Variants in DNAH2 observed in about 807,000 individuals in gnomAD.
DNAH2 encodes the protein dynein axonemal heavy chain 2, also known as axonemal beta dynein heavy chain 2.
DNAH2 carries 323 observed loss-of-function variants against 523.5 expected under a neutral mutation model. The observed-to-expected ratio is 0.62, with a 90% CI of 0.56 to 0.68. The LOEUF is 0.68. Ranked by LOEUF, DNAH2 falls within the 30% of genes least tolerant of loss-of-function variation. The pLI is 0.00. For synonymous variants in DNAH2, 2,093 were observed against 2,177.4 expected, an observed-to-expected ratio of 0.96 and a Z score of 1.08; for missense variants, 4,907 against 5,701.5, an observed-to-expected ratio of 0.86 and a Z score of 4.49.
At chr17:7,731,818 C>T (rs2074996892) in intron 4 of DNAH2, among the ~76,000 whole-genome samples, 1 of 152,002 alleles carries the variant, frequency 6.6e-6, no homozygotes, top group African/African-American at 2.4e-5. Flanking sequence ...CACCTAAGGT[C>T]AGGAGTTTGA....
At position 7,765,556 on chromosome 17, in the gene DNAH2, G is replaced by A. The variant is rs150130856; in HGVS notation, c.3502G>A (p.Glu1168Lys). Residue 1168 changes from glutamate (E) to lysine (K), a missense_variant, in exon 21 of 86, where the codon GAA (glutamate) becomes AAA (lysine). Physicochemically the swap from Glu to Lys is moderately conservative, Grantham distance 56. This residue lies in a region of DNAH2 where 2,806 missense variants were observed against 3,190.8 expected (regional missense o/e 0.88). Transcript: ENST00000572933. Reference sequence around the variant, plus strand: ...AGCACATACACTTCTGGAAGATTTCGAATTCAAAGGTACTCCTTGATCCAC... The same window carrying A: ...AGCACATACACTTCTGGAAGATTTCAAATTCAAAGGTACTCCTTGATCCAC... ...KKAHTLLEDF[E>K]FKGHFTSNVG... is the part of the protein sequence containing the mutation. 2.5e-5 allele frequency: 40 copies of A among 1,612,650 alleles called. No individual in the cohort carries two copies. The highest frequency in any genetic ancestry group is 5.5e-5 in the South Asian group (5 of 90,828).
Position 7,805,277 on chromosome 17 carries a change from A to G in DNAH2, c.9326A>G (p.Asp3109Gly), listed in dbSNP as rs1348457883. 1.2e-6 allele frequency: 2 copies of G among 1,614,174 alleles called. No homozygotes were observed. The highest frequency in any genetic ancestry group is 1.1e-5 in the South Asian group (1 of 91,084). ...GCCCTGGAGTCTCTGAACAAGAAGG[A>G]TATAGGAGAGATCAAGTCTTATGGA... is the stretch of plus-strand genomic sequence containing the variant. ...MRALESLNKK[D>G]IGEIKSYGRP... is the part of the protein sequence containing the mutation. Residue 3109 changes from aspartate (D) to glycine (G), a missense_variant, in exon 61 of 86, where the codon GAT becomes GGT. Coordinates refer to ENST00000572933, the MANE Select transcript of DNAH2 (RefSeq NM_020877.5).
chr17:7,794,510 G>A, intron 49 of DNAH2, 152 bp downstream of exon 49: 3 of 621,504 alleles, frequency 4.8e-6, no homozygotes, highest in Non-Finnish European at 7.9e-6. Context: ...GCATGTGCTG[G>A]CTCCTGAGCT....
At position 7,780,378 on chromosome 17, in the gene DNAH2, T is replaced by C; in HGVS notation, c.5850+94T>C. 1 of 1,570,786 alleles carries C rather than the reference T, an allele frequency of 6.4e-7. No homozygotes were observed. The highest frequency in any genetic ancestry group is 2.2e-5 in the East Asian group (1 of 44,594). ...CTCCCCAAGGGCCTCACAATCAGCT[T>C]ATCCTCTAAGGAACTTAGACTATTG... On this transcript the variant is annotated intron_variant, in intron 37 of 85. Transcript: ENST00000572933. This position sits in a 1 kb window ranked among gnomAD's most constrained non-coding sequence, Gnocchi z 4.4.
At chr17:7,775,001 A>T (rs1334384438) in intron 29 of DNAH2, 25 bp downstream of exon 29, 14 of 1,609,520 alleles carry the variant, frequency 8.7e-6, no homozygotes, top group Non-Finnish European at 1.2e-5. Flanking sequence ...CCACAGTGAG[A>T]TGCTGGGTGG....
chr17:7,796,463 G>T lies in DNAH2; in HGVS notation c.7675-1G>T. 6 of 1,613,732 alleles carry T rather than the reference G, an allele frequency of 3.7e-6. No homozygotes were observed. In the South Asian group the frequency reaches 6.6e-5, roughly 18 times the overall value. ...GAGAGTGAGCCAGGGTCTGTTTCTA[G>T]AAGTCCCAGATCATCCGCATATTCG... On this transcript the variant is annotated splice_acceptor_variant, in intron 49 of 85. Coordinates refer to ENST00000572933, the MANE Select transcript of DNAH2 (RefSeq NM_020877.5). LOFTEE classifies it high-confidence loss of function.
At chr17:7,777,030 C>T (rs2076473615) in intron 32 of DNAH2, 141 bp downstream of exon 32, 1 of 626,016 alleles carries the variant, frequency 1.6e-6, no homozygotes, top group Admixed American at 2.6e-5. Flanking sequence ...CCAAAAAATA[C>T]AAAAATTAGC....
intron 77 of DNAH2, 146 bp from the exon 78 acceptor site, chr17:7,830,154 G>C: frequency 1.3e-6 from 1 of 776,298 alleles, no homozygotes; most frequent in Non-Finnish European, 2.0e-6. Flanking sequence ...TTGGCATGTA[G>C]ATCAACGGCT....
At chr17:7,776,340 C>T (rs2076452799) in intron 31 of DNAH2, among the ~76,000 whole-genome samples, 191 bp downstream of exon 31, 2 of 152,132 alleles carry the variant, frequency 1.3e-5, no homozygotes, top group Non-Finnish European at 1.5e-5. Context: ...GTGGTGTGCT[C>T]CTGTAGTCCC....
At chr17:7,766,516 C>T (rs377662062) in intron 22 of DNAH2, 35 bp downstream of exon 22, 33 of 1,604,020 alleles carry the variant, frequency 2.1e-5, no homozygotes, top group South Asian at 1.2e-4. Context: ...TGGTCACTGT[C>T]GATAAGGGGC....
Position 7,743,019 on chromosome 17 carries a change from TGGTTCGAAAAAC to T in DNAH2, c.1782_1793del (p.Val595_Thr598del). On this transcript the variant is annotated inframe_deletion, in exon 12 of 86. Coordinates refer to ENST00000572933, the MANE Select transcript of DNAH2 (RefSeq NM_020877.5). ...CAGATGGTCCAGGCCATTGATGAGC[TGGTTCGAAAAAC>T]CTTCCAAGAGTGGACATCAAGTCTG... 1 of 1,523,558 alleles carries T rather than the reference TGGTTCGAAAAAC, an allele frequency of 6.6e-7. No individual in the cohort carries two copies. 94.4% of individuals were successfully genotyped at this position (1,523,558 alleles called of 1,614,324 possible).
chr17:7,807,235 C>T lies in DNAH2; in HGVS notation c.9528C>T (p.Cys3176=), dbSNP rs148003783. The T allele has an allele frequency of 1.9e-4, 311 of 1,613,682 alleles. No homozygotes were observed. The highest frequency in any genetic ancestry group is 6.6e-4 in the Middle Eastern group (4 of 6,078). Residue 3176 remains cysteine (C), a synonymous_variant, in exon 62 of 86, where the codon TGC becomes TGT. Transcript: ENST00000572933. This position sits in a 1 kb window ranked among gnomAD's most constrained non-coding sequence, Gnocchi z 5.6. The stretch of plus-strand genomic sequence containing the variant: ...TTCTGAAGAAGATTGGGGCCTACTG[C>T]GCCCAGCCTGACTTCCAGCCTGATA... The part of the protein sequence containing the change: ...DKVLKKIGAY[C]AQPDFQPDII...
In DNAH2 at chr17:7,817,851, G is replaced by A; in HGVS notation, c.10231G>A (p.Gly3411Ser). 1 of 1,613,774 alleles carries A rather than the reference G, an allele frequency of 6.2e-7. No homozygotes were observed. The highest frequency in any genetic ancestry group is 2.2e-5 in the East Asian group (1 of 44,800). Residue 3411 changes from glycine to serine, a missense_variant, in exon 67 of 86, where the codon GGC becomes AGC. Around this residue, in one of 3 missense-constraint regions of DNAH2, gnomAD observed 1,851 missense variants for 2,139.4 expected, o/e 0.87. Coordinates refer to ENST00000572933, the MANE Select transcript of DNAH2 (RefSeq NM_020877.5). Reference protein sequence around the residue: ...ALKWIKNMEGGQGLKIIDLQM... With the variant: ...ALKWIKNMEGSQGLKIIDLQM... ...GAAATGGATTAAGAACATGGAAGGA[G>A]GCCAGGTGTGAGGCTGGGGGGTCAG...
At chr17:7,829,686 T>C (rs557312929) in intron 77 of DNAH2, among the ~76,000 whole-genome samples, 2 of 152,234 alleles carry the variant, frequency 1.3e-5, no homozygotes, top group East Asian at 3.9e-4. Flanking sequence ...CCCCAAATTG[T>C]GCTGGCCTAC....
Position 7,797,419 on chromosome 17 carries a change from G to A in DNAH2, c.7969G>A (p.Val2657Ile), listed in dbSNP as rs778925192. The A allele has an allele frequency of 3.1e-6, 5 of 1,614,150 alleles. No individual in the cohort carries two copies. In the East Asian group the frequency reaches 1.1e-4, roughly 36 times the overall value. The change falls in exon 52 of 86, where the codon GTT becomes ATT. Residue 2657 changes from valine (V) to isoleucine (I), a missense_variant. By Grantham distance (29) the Val-to-Ile change is conservative. Transcript: ENST00000572933. ...ECFRVFSDRL[V>I]DAADTEAFMG... is the part of the protein sequence containing the mutation. Reference sequence around the variant, plus strand: ...CCACAGAGTCTTCTCTGACCGGCTGGTTGATGCGGCAGACACAGAAGCCTT... The same window carrying A: ...CCACAGAGTCTTCTCTGACCGGCTGATTGATGCGGCAGACACAGAAGCCTT...
At chr17:7,746,139 T>A (rs988169716) in intron 12 of DNAH2, among the ~76,000 whole-genome samples, 1 of 152,224 alleles carries the variant, frequency 6.6e-6, no homozygotes, top group East Asian at 1.9e-4. Context: ...AGATAGTATT[T>A]TCAAAACAAA....
intron 44 of DNAH2, among the ~76,000 whole-genome samples, chr17:7,791,707 G>A (rs1449415587): frequency 1.3e-5 from 2 of 152,188 alleles, no homozygotes; most frequent in African/African-American, 4.8e-5. Flanking sequence ...GGAAGCTCAG[G>A]GCAACTGCTG....
rs753819606 is a variant in DNAH2, at chr17:7,759,023, G to C, written c.2347G>C (p.Glu783Gln). The change falls in exon 15 of 86, where the codon GAG (glutamate) becomes CAG (glutamine). Residue 783 changes from glutamate to glutamine, a missense_variant. Glu to Gln is a conservative substitution (Grantham distance 29). Transcript: ENST00000572933. ...RDLEFEEDQR[E>Q]HRAAVQQKLM... ...CCTGGAATTTGAAGAGGACCAAAGA[G>C]AGCATCGGGCAGCTGTACAGCAGAA... 1 of 1,614,204 alleles carries C rather than the reference G, an allele frequency of 6.2e-7. No individual in the cohort carries two copies. The highest frequency in any genetic ancestry group is 1.1e-5 in the South Asian group (1 of 91,084).
intron 4 of DNAH2, among the ~76,000 whole-genome samples, chr17:7,731,440 C>G (rs1051605625): frequency 6.6e-6 from 1 of 151,912 alleles, no homozygotes; most frequent in Non-Finnish European, 1.5e-5. Context: ...TCCTTTATAG[C>G]TACTTCTATT....
Sources: allele counts gnomAD v4.1 joint callset (sites outside exome capture counted in the v4.1 genomes callset), GRCh38; gene constraint gnomAD v4.1.1; regional missense constraint gnomAD v4.1.1; non-coding constraint Gnocchi (gnomAD v3.1); transcripts MANE v1.5; gene names NCBI Gene and HGNC (gene_info 2026-07-23, HGNC 2026-07-21).